The following GAS2 variants were observed in gnomAD, a reference collection of about 807,000 sequenced individuals.
GAS2 encodes growth arrest specific 2.
Under a neutral mutation model 37.5 loss-of-function variants are expected in GAS2, and 20 were observed. The ratio of observed to expected loss-of-function variants is 0.53; its 90% CI spans 0.37 to 0.77. GAS2 has a LOEUF of 0.77. GAS2 is among the 30% of genes least tolerant of loss of function. The pLI, the probability that GAS2 is intolerant of heterozygous loss-of-function variation, is 0.00. For synonymous variants in GAS2, 144 were observed against 132.2 expected, an observed-to-expected ratio of 1.09 and a Z score of -0.61; for missense variants, 336 against 373.4, an observed-to-expected ratio of 0.90 and a Z score of 0.82.
chr11:22,733,558 C>T (rs1296407387), intron 4 of GAS2, among the ~76,000 whole-genome samples: 1 of 151,568 alleles, frequency 6.6e-6, no homozygotes, highest in Non-Finnish European at 1.5e-5. Flanking sequence ...GCATTTTATC[C>T]TTGCAGATTC....
At chr11:22,643,880 GTGTC>G (rs1264767555) in intron 1 of GAS2, among the ~76,000 whole-genome samples, 5 of 152,032 alleles carry the variant, frequency 3.3e-5, no homozygotes, top group Non-Finnish European at 7.4e-5. Flanking sequence ...AACTGTTTAA[GTGTC>G]TGTTGTTCCC....
At chr11:22,797,990 T>G (rs1403574472) in intron 7 of GAS2, among the ~76,000 whole-genome samples, 4 of 152,080 alleles carry the variant, frequency 2.6e-5, no homozygotes, top group Non-Finnish European at 5.9e-5. Context: ...GACTGTACCC[T>G]TGGCAAAGTC....
chr11:22,663,826 AATTT>A (rs1297584997), upstream of GAS2, among the ~76,000 whole-genome samples: 5 of 152,188 alleles, frequency 3.3e-5, no homozygotes, highest in Admixed American at 6.5e-5. Context: ...GGATTTATAA[AATTT>A]ATTCTCTTTG....
At chr11:22,736,482 A>G (rs984131840) in intron 4 of GAS2, among the ~76,000 whole-genome samples, 2 of 152,040 alleles carry the variant, frequency 1.3e-5, no homozygotes, top group African/African-American at 4.8e-5. Context: ...TTATAACCAA[A>G]TAATAATACA....
At chr11:22,709,063 A>T (rs1342460378) in intron 3 of GAS2, among the ~76,000 whole-genome samples, 1 of 152,200 alleles carries the variant, frequency 6.6e-6, no homozygotes, top group Non-Finnish European at 1.5e-5. Flanking sequence ...CATGGAAGCC[A>T]CATCATAGGG....
At chr11:22,802,050 T>C (rs1856685659) in intron 7 of GAS2, among the ~76,000 whole-genome samples, 1 of 152,072 alleles carries the variant, frequency 6.6e-6, no homozygotes, top group African/African-American at 2.4e-5. Context: ...ACATATTGAT[T>C]CTTTCCTCTT....
intron 7 of GAS2, among the ~76,000 whole-genome samples, chr11:22,807,916 C>T (rs1336311056): frequency 2.0e-5 from 3 of 152,080 alleles, no homozygotes; most frequent in Non-Finnish European, 4.4e-5. Flanking sequence ...GTTTCAGTTG[C>T]TTGACACTGT....
At chr11:22,630,365 A>G (rs1858727706) in intron 1 of GAS2, among the ~76,000 whole-genome samples, 2 of 152,166 alleles carry the variant, frequency 1.3e-5, no homozygotes, top group African/African-American at 2.4e-5. Context: ...TGTCCCTACA[A>G]ATACCATTCA....
intron 6 of GAS2, among the ~76,000 whole-genome samples, chr11:22,749,477 C>T (rs577174636): frequency 2.6e-5 from 4 of 151,990 alleles, no homozygotes; most frequent in Admixed American, 1.3e-4. Flanking sequence ...ATGCTGCAGA[C>T]CAATATCTAA....
intron 3 of GAS2, among the ~76,000 whole-genome samples, chr11:22,687,143 G>A (rs892636924): frequency 8.6e-5 from 13 of 152,000 alleles, no homozygotes; most frequent in Admixed American, 2.6e-4. Flanking sequence ...TGGGCAACAT[G>A]ACAAAGCACC....
chr11:22,686,554 A>G (rs1192137745), intron 3 of GAS2, among the ~76,000 whole-genome samples: 3 of 5,404 alleles, frequency 5.6e-4, no homozygotes, highest in Non-Finnish European at 2.8e-3. Flanking sequence ...CGTCTCTACT[A>G]AAAAAAAAAA....
chr11:22,770,277 C>T (rs143322207), intron 7 of GAS2, among the ~76,000 whole-genome samples: 4 of 152,242 alleles, frequency 2.6e-5, no homozygotes, highest in Non-Finnish European at 1.5e-5. Context: ...AACAAACCTG[C>T]ACTTTCTGCA....
intron 1 of GAS2, among the ~76,000 whole-genome samples, chr11:22,640,139 G>A (rs1858891501): frequency 6.6e-6 from 1 of 152,166 alleles, no homozygotes; most frequent in South Asian, 2.1e-4. Context: ...TTAAAAGATA[G>A]AGTTTCCTTG....
intron 7 of GAS2, among the ~76,000 whole-genome samples, chr11:22,790,296 C>T (rs575232095): frequency 6.6e-6 from 1 of 152,178 alleles, no homozygotes; most frequent in Non-Finnish European, 1.5e-5. Flanking sequence ...TCTCCTATCC[C>T]TCTCGCATTT....
At chr11:22,810,529 T>A (rs897656083) in intron 7 of GAS2, among the ~76,000 whole-genome samples, 7 of 152,352 alleles carry the variant, frequency 4.6e-5, no homozygotes, top group Admixed American at 4.6e-4. Flanking sequence ...TTTCTCATAC[T>A]CTAAATGAGA....
rs1453301851 is a variant in GAS2, at chr11:22,721,122, T to C, written c.268-5170T>C. On this transcript the variant is annotated intron_variant, in intron 3 of 7. Coordinates refer to ENST00000454584, the MANE Select transcript of GAS2 (RefSeq NM_001143830.3). ...ACCCAATTCATTTGGTGCTGTTTTT[T>C]TGAGAATTAAATGGGACAATCCATA... is the stretch of plus-strand genomic sequence containing the variant. 2.0e-5 allele frequency among the ~76,000 whole-genome samples: 3 copies of C among 151,980 alleles called. No individual in the cohort carries two copies. The East Asian group carries it at 5.8e-4, about 29-fold the overall frequency.
intron 1 of GAS2, among the ~76,000 whole-genome samples, chr11:22,648,415 T>C (rs1356821147): frequency 1.3e-5 from 2 of 152,208 alleles, no homozygotes; most frequent in African/African-American, 2.4e-5. Flanking sequence ...GGGCTCTTTT[T>C]TGGTTCCATA....
intron 3 of GAS2, among the ~76,000 whole-genome samples, chr11:22,696,435 T>G (rs1472786134): frequency 2.0e-5 from 3 of 152,088 alleles, no homozygotes; most frequent in African/African-American, 4.8e-5. Context: ...CAGCATGATT[T>G]ATAGTCCTTT....
At chr11:22,721,159 G>A (rs2134137293) in intron 3 of GAS2, among the ~76,000 whole-genome samples, 1 of 151,938 alleles carries the variant, frequency 6.6e-6, no homozygotes, top group Admixed American at 6.6e-5. Context: ...GAAAGTGAAC[G>A]TTGTGTACCT....
Sources: gnomAD v4.1 joint callset for allele counts (sites outside exome capture counted in the v4.1 genomes callset) on GRCh38, gnomAD v4.1.1 for gene constraint, MANE v1.5 for transcripts, NCBI Gene and HGNC (gene_info 2026-07-23, HGNC 2026-07-21) for gene names.